The following MED23 variants were observed in gnomAD, a reference collection of about 807,000 sequenced individuals.
The protein encoded by MED23 is mediator of RNA polymerase II transcription subunit 23.
In MED23, 105 loss-of-function variants were observed where a neutral mutation model predicts 163.9. The observed-to-expected ratio is 0.64, with a 90% CI of 0.55 to 0.75. MED23 has a LOEUF of 0.75. Among genes scored for constraint, MED23 ranks in the 30% least tolerant of loss-of-function variants. MED23 has a pLI of 0.00. For synonymous variants in MED23, 561 were observed against 565.6 expected (o/e 0.99, Z 0.12); for missense variants, 1,054 against 1,649.0 (o/e 0.64, Z 6.25).
chr6:131,578,231 GAATGCTTGGGT>G (rs1422995851), intron 30 of MED23, among the ~76,000 whole-genome samples: 2 of 148,284 alleles, frequency 1.3e-5, no homozygotes, highest in African/African-American at 4.9e-5. Context: ...GTAGAGAACA[GAATGCTTGGGT>G]AATGGACTTG....
chr6:131,609,555 G>A lies in MED23; in HGVS notation c.1077+491C>T, dbSNP rs558165110. On this transcript the variant is annotated intron_variant, in intron 11 of 28. Transcript: ENST00000368068. ...TGACACAGAGTCTCGCTCTGTCGCCGAGGCTGGAGTGCAGTCGTGTGATTT... is the reference window on the plus strand; with the variant it reads ...TGACACAGAGTCTCGCTCTGTCGCCAAGGCTGGAGTGCAGTCGTGTGATTT... Among the ~76,000 whole-genome samples, 233 of 134,600 alleles carry A rather than the reference G, an allele frequency of 1.7e-3. 1 individual carries two copies. The highest frequency in any genetic ancestry group is 6.2e-3 in the African/African-American group (221 of 35,886). The allele number at this position is 134,600 out of a possible 152,430, so 88.3% of individuals were successfully genotyped here.
chr6:131,622,600 A>G (rs1490260307), intron 5 of MED23, among the ~76,000 whole-genome samples: 2 of 152,248 alleles, frequency 1.3e-5, no homozygotes, highest in African/African-American at 4.8e-5. Flanking sequence ...GACAGAACAT[A>G]TACCTAAAAG....
At chr6:131,605,174 A>T (rs1266248008) in intron 14 of MED23, 66 bp downstream of exon 14, 3 of 1,542,120 alleles carry the variant, frequency 1.9e-6, no homozygotes, top group Non-Finnish European at 1.8e-6. Flanking sequence ...AAATCATGAA[A>T]TAAAGGTTTA....
At chr6:131,589,189 G>A (rs1774402834) in intron 28 of MED23, among the ~76,000 whole-genome samples, 1 of 152,068 alleles carries the variant, frequency 6.6e-6, no homozygotes, top group Admixed American at 6.6e-5. Flanking sequence ...TCCCTAATGA[G>A]ATTACTATTA....
chr6:131,615,255 T>C lies in MED23; in HGVS notation c.876+652A>G, dbSNP rs151226714. 2.0e-5 allele frequency: 32 copies of C among 1,562,804 alleles called. No homozygotes were observed. In the South Asian group the frequency reaches 3.1e-4, roughly 15 times the overall value. On this transcript the variant is annotated intron_variant, in intron 10 of 28. Transcript: ENST00000368068. ...CCCGACCATACACGTATTCTCTAAATGGAATCAGTGGCTACAAAGCGGCCA... is the reference window on the plus strand; with the variant it reads ...CCCGACCATACACGTATTCTCTAAACGGAATCAGTGGCTACAAAGCGGCCA...
chr6:131,587,324 T>A lies in MED23; in HGVS notation c.*355A>T. On this transcript the variant is annotated 3_prime_UTR_variant, in exon 29 of 29. Coordinates refer to ENST00000368068, the MANE Select transcript of MED23 (RefSeq NM_004830.4). ...AAATAATATATCTGAAGACTAAATATGTCATTAATAATAAAAAATACAAAC... is the reference window on the plus strand; with the variant it reads ...AAATAATATATCTGAAGACTAAATAAGTCATTAATAATAAAAAATACAAAC... The A allele has an allele frequency of 9.1e-7, 1 of 1,101,172 alleles. No individual in the cohort carries two copies. Among genetic ancestry groups the A allele is most frequent in the Non-Finnish European group, 1.1e-6 (1 of 900,588 alleles). The allele number at this position is 1,101,172 out of a possible 1,614,324, so 68.2% of individuals were successfully genotyped here. A position where few individuals can be genotyped will look rare whatever the true frequency, so the allele number is the denominator to read the frequency against.
chr6:131,607,054 C>T (rs1775903557), intron 12 of MED23, among the ~76,000 whole-genome samples: 2 of 151,680 alleles, frequency 1.3e-5, no homozygotes, highest in South Asian at 4.2e-4. Context: ...AATACGCAAC[C>T]TAAATAATTA....
At chr6:131,627,122 T>C (rs552103132) in intron 3 of MED23, 1 of 379,560 alleles carries the variant, frequency 2.6e-6, no homozygotes, top group Non-Finnish European at 4.7e-6. Flanking sequence ...CCGAATAGGA[T>C]GAAAATGATC....
At chr6:131,614,865 G>A (rs1776544716) in intron 10 of MED23, among the ~76,000 whole-genome samples, 1 of 151,752 alleles carries the variant, frequency 6.6e-6, no homozygotes, top group Non-Finnish European at 1.5e-5. Flanking sequence ...AGCAACATAA[G>A]TATTTTTGTT....
intron 13 of MED23, 111 bp downstream of exon 13, chr6:131,606,368 A>G: frequency 2.8e-6 from 3 of 1,075,620 alleles, no homozygotes; most frequent in Non-Finnish European, 4.2e-6. Flanking sequence ...CCTTACCTAT[A>G]GTGGGTATGC....
At chr6:131,603,261 AT>A in intron 15 of MED23, 57 bp from the exon 16 acceptor site, 2 of 1,545,390 alleles carry the variant, frequency 1.3e-6, no homozygotes, top group Non-Finnish European at 1.8e-6. Context: ...ATGAAAAGAT[AT>A]TTGAAGAAAG....
At chr6:131,579,420 A>T in intron 30 of MED23, 1 of 984,590 alleles carries the variant, frequency 1.0e-6, no homozygotes, top group Non-Finnish European at 1.5e-6. Context: ...GCCTTTAAAA[A>T]AATTTTATAG....
chr6:131,584,204 A>C, downstream of MED23: 1 of 378,992 alleles, frequency 2.6e-6, no homozygotes, highest in Non-Finnish European at 4.9e-6. Flanking sequence ...GCACACTTAC[A>C]TAAGCCCCCA....
At chr6:131,621,221 T>C (rs894083345) in intron 6 of MED23, among the ~76,000 whole-genome samples, 1 of 152,182 alleles carries the variant, frequency 6.6e-6, no homozygotes, top group Non-Finnish European at 1.5e-5. Context: ...ACAAGAGGAA[T>C]AAGTTCAAGA....
intron 20 of MED23, 125 bp from the exon 21 acceptor site, chr6:131,596,813 C>T (rs1033815555): frequency 1.1e-6 from 1 of 888,796 alleles, no homozygotes; most frequent in Non-Finnish European, 1.8e-6. Flanking sequence ...GACGTCTAGT[C>T]TATCCCAAAC....
At chr6:131,601,669 C>T (rs1050457104) in intron 17 of MED23, among the ~76,000 whole-genome samples, 8 of 152,162 alleles carry the variant, frequency 5.3e-5, no homozygotes, top group African/African-American at 1.9e-4. Context: ...GATTAAATGT[C>T]TAAGCAGATG....
intron 5 of MED23, among the ~76,000 whole-genome samples, chr6:131,622,788 A>G (rs1024017702): frequency 6.6e-6 from 1 of 152,236 alleles, no homozygotes; most frequent in Non-Finnish European, 1.5e-5. Flanking sequence ...GAAATAAAGC[A>G]CAGGGTCAGA....
chr6:131,593,134 A>T lies in MED23; in HGVS notation c.3270T>A (p.Cys1090Ter), dbSNP rs765319764. 1 of 1,614,188 alleles carries T rather than the reference A, an allele frequency of 6.2e-7. No homozygotes were observed. Among genetic ancestry groups the T allele is most frequent in the South Asian group, 1.1e-5 (1 of 91,086 alleles). Residue 1090 changes from cysteine (C) to a stop codon, truncating the protein, a stop_gained, in exon 24 of 29, where the codon TGT becomes TGA. Transcript: ENST00000368068. LOFTEE classifies it high-confidence loss of function. ...AGKSPGPFPNCDWRFNEFPNP... is the reference protein window; with the variant it reads ...AGKSPGPFPN ...TGGGAAACTCATTGAATCTCCAGTC[A>T]CAGTTTGGAAAGGGACCAGGAGATT...
chr6:131,598,062 A>G lies in MED23; in HGVS notation c.2607+225T>C, dbSNP rs764563048. On this transcript the variant is annotated intron_variant, in intron 20 of 28. Coordinates refer to ENST00000368068, the MANE Select transcript of MED23 (RefSeq NM_004830.4). The surrounding 1 kb of genome is among the most constrained non-coding windows in gnomAD (Gnocchi z 4.7). ...CAGTGAGCCATGATCACGCCACTGC[A>G]CTGGGCGACAGAGCGAGACCCTGTC... Among the ~76,000 whole-genome samples, 2 of 152,168 alleles carry G rather than the reference A, an allele frequency of 1.3e-5. No individual in the cohort carries two copies. Among genetic ancestry groups the G allele is most frequent in the Non-Finnish European group, 2.9e-5 (2 of 68,008 alleles).
Sources: gnomAD v4.1 joint callset for allele counts (sites outside exome capture counted in the v4.1 genomes callset) on GRCh38, gnomAD v4.1.1 for gene constraint, Gnocchi (gnomAD v3.1) non-coding constraint, MANE v1.5 for transcripts, NCBI Gene and HGNC (gene_info 2026-07-23, HGNC 2026-07-21) for gene names.